The following TMEM178B variants were observed in gnomAD, a reference collection of about 807,000 sequenced individuals.
TMEM178B encodes the protein transmembrane protein 178B.
A neutral mutation model predicts 31.0 loss-of-function variants in TMEM178B; 5 were observed. The observed-to-expected ratio is 0.16, with a 90% CI of 0.08 to 0.34. The LOEUF is 0.34. TMEM178B is among the 10% of genes least tolerant of loss of function. The probability of loss-of-function intolerance (pLI) is 1.00; values close to 1 mark genes in which losing one functional copy is unlikely to be tolerated. For synonymous variants in TMEM178B, 164 were observed against 164.0 expected, an observed-to-expected ratio of 1.00 and a Z score of 0.00; for missense variants, 275 against 400.3, an observed-to-expected ratio of 0.69 and a Z score of 2.67.
At chr7:141,232,738 T>C (rs948492943) in intron 2 of TMEM178B, among the ~76,000 whole-genome samples, 12 of 152,222 alleles carry the variant, frequency 7.9e-5, no homozygotes, top group African/African-American at 2.9e-4. Flanking sequence ...GCCAGAAAGC[T>C]TTCCCTGGCT....
chr7:141,245,090 G>A (rs1469738448), intron 2 of TMEM178B, among the ~76,000 whole-genome samples: 3 of 146,176 alleles, frequency 2.1e-5, no homozygotes, highest in African/African-American at 7.6e-5. Flanking sequence ...TTGAACCTGG[G>A]AGGCGGAGGT....
chr7:141,509,298 A>C, the TMEM178B span, among the ~76,000 whole-genome samples: 2 of 152,146 alleles, frequency 1.3e-5, no homozygotes, highest in Non-Finnish European at 2.9e-5. Context: ...CCAAAAAAGT[A>C]GTAGGGAGGA....
At position 141,085,485 on chromosome 7, in the gene TMEM178B, G is replaced by A. The variant is rs769148465; in HGVS notation, c.382+10793G>A. On this transcript the variant is annotated intron_variant, in intron 1 of 3. Coordinates refer to ENST00000565468, the MANE Select transcript of TMEM178B (RefSeq NM_001195278.2). ...TATTTCAATTGATTTTTTTTTTGGC[G>A]TCAAAGTATTTTGCCAAGAAAAGGC... is the stretch of plus-strand genomic sequence containing the variant. Among the ~76,000 whole-genome samples, 26 of 151,322 alleles carry A rather than the reference G, an allele frequency of 1.7e-4. No homozygotes were observed. In the East Asian group the frequency reaches 1.9e-3, roughly 11 times the overall value.
chr7:141,079,521 T>A (rs1026561936), intron 1 of TMEM178B, among the ~76,000 whole-genome samples: 1 of 152,216 alleles, frequency 6.6e-6, no homozygotes, highest in African/African-American at 2.4e-5. Context: ...GGGTTTAAAT[T>A]TAAGTATATC....
At chr7:141,162,742 T>C (rs928084492) in intron 1 of TMEM178B, among the ~76,000 whole-genome samples, 37 of 152,192 alleles carry the variant, frequency 2.4e-4, no homozygotes, top group Admixed American at 2.4e-3. Flanking sequence ...CAAGAGGTGG[T>C]ATTGTGTAGA....
At chr7:141,314,361 A>G (rs1309579997) in intron 2 of TMEM178B, among the ~76,000 whole-genome samples, 2 of 151,924 alleles carry the variant, frequency 1.3e-5, no homozygotes, top group Admixed American at 6.6e-5. Flanking sequence ...GGATGTTTAT[A>G]CTCTTTTGGG....
intron 2 of TMEM178B, among the ~76,000 whole-genome samples, chr7:141,252,428 A>G (rs1379057893): frequency 6.6e-6 from 1 of 152,228 alleles, no homozygotes; most frequent in East Asian, 1.9e-4. Flanking sequence ...CGAGGGAGGC[A>G]TGTGAAATTC....
chr7:141,331,487 G>T (rs187335702), intron 2 of TMEM178B, among the ~76,000 whole-genome samples: 1 of 152,128 alleles, frequency 6.6e-6, no homozygotes, highest in Non-Finnish European at 1.5e-5. Flanking sequence ...AAAGAGGACC[G>T]ATGAGCTTCC....
At chr7:141,330,670 A>G (rs1563153431) in intron 2 of TMEM178B, among the ~76,000 whole-genome samples, 1 of 152,222 alleles carries the variant, frequency 6.6e-6, no homozygotes, top group South Asian at 2.1e-4. Flanking sequence ...AGATCAGTAG[A>G]AACTGATGGA....
At chr7:141,371,296 TA>T (rs142586154) in intron 2 of TMEM178B, among the ~76,000 whole-genome samples, 18 of 147,338 alleles carry the variant, frequency 1.2e-4, no homozygotes, top group Admixed American at 4.7e-4. Context: ...AGCTGGTTGG[TA>T]AAAAAAAAAG....
At position 141,087,946 on chromosome 7, in the gene TMEM178B, A is replaced by G. The variant is rs145994049; in HGVS notation, c.382+13254A>G. Among the ~76,000 whole-genome samples the G allele has an allele frequency of 2.6e-3, 401 of 152,246 alleles. 3 individuals carry two copies. The highest frequency in any genetic ancestry group is 9.4e-3 in the African/African-American group (389 of 41,530). Reference sequence around the variant, plus strand: ...CAAGGGATCATGAAAGTTCCAAGGGATTTCAGGGGTGTTGAAGCAGAATAA... The same window carrying G: ...CAAGGGATCATGAAAGTTCCAAGGGGTTTCAGGGGTGTTGAAGCAGAATAA... On this transcript the variant is annotated intron_variant, in intron 1 of 3. Transcript: ENST00000565468.
intron 1 of TMEM178B, among the ~76,000 whole-genome samples, chr7:141,149,497 G>A (rs1278518856): frequency 6.6e-6 from 1 of 152,162 alleles, no homozygotes; most frequent in Non-Finnish European, 1.5e-5. Context: ...GCAGTGAGCC[G>A]AGATCGTGCC....
At chr7:141,232,205 T>C (rs1241924631) in intron 2 of TMEM178B, among the ~76,000 whole-genome samples, 2 of 152,262 alleles carry the variant, frequency 1.3e-5, no homozygotes, top group Non-Finnish European at 2.9e-5. Flanking sequence ...TTATCCAGTC[T>C]ATTATTGATG....
chr7:141,329,867 G>A (rs898283998), intron 2 of TMEM178B, among the ~76,000 whole-genome samples: 1 of 152,186 alleles, frequency 6.6e-6, no homozygotes, highest in African/African-American at 2.4e-5. Context: ...AATCTGGCTG[G>A]GGACATGACA....
At chr7:141,185,179 G>C (rs761743535) in intron 1 of TMEM178B, among the ~76,000 whole-genome samples, 1 of 152,206 alleles carries the variant, frequency 6.6e-6, no homozygotes, top group African/African-American at 2.4e-5. Context: ...CCCAGTGGGC[G>C]TGTGTTACAG....
chr7:141,270,269 G>T (rs182368222), intron 2 of TMEM178B, among the ~76,000 whole-genome samples: 103 of 152,280 alleles, frequency 6.8e-4, no homozygotes, highest in Admixed American at 2.0e-3. Context: ...GGTACAGACA[G>T]TCTACAGCTT....
At chr7:141,440,261 G>A (rs1296120743) in intron 3 of TMEM178B, among the ~76,000 whole-genome samples, 1 of 152,192 alleles carries the variant, frequency 6.6e-6, no homozygotes, top group Admixed American at 6.5e-5. Flanking sequence ...CTTTCTATAG[G>A]GTGAATGAGT....
chr7:141,141,129 T>C (rs1350243311), intron 1 of TMEM178B, among the ~76,000 whole-genome samples: 1 of 152,216 alleles, frequency 6.6e-6, no homozygotes, highest in Non-Finnish European at 1.5e-5. Context: ...TATTCAATCA[T>C]TTATTCATAT....
rs61059859 is a variant in TMEM178B, at chr7:141,463,013, C to T, written c.635-7523C>T. On this transcript the variant is annotated intron_variant, in intron 3 of 3. Transcript: ENST00000565468. ...CTTCCCACTCACAGGTGTTTACAGACGGGGACACTGGAGCTCAGGGGTCTG... is the reference window on the plus strand; with the variant it reads ...CTTCCCACTCACAGGTGTTTACAGATGGGGACACTGGAGCTCAGGGGTCTG... Among the ~76,000 whole-genome samples the T allele has an allele frequency of 8.9e-3, 1,348 of 152,224 alleles. 18 individuals are homozygous for T. Among genetic ancestry groups the T allele is most frequent in the African/African-American group, 0.03 (1,261 of 41,536 alleles).
Sources: gnomAD v4.1 joint callset for allele counts (sites outside exome capture counted in the v4.1 genomes callset) on GRCh38, gnomAD v4.1.1 for gene constraint, MANE v1.5 for transcripts, NCBI Gene and HGNC (gene_info 2026-07-23, HGNC 2026-07-21) for gene names.